The following SEMA3A variants were observed in gnomAD, a reference collection of about 807,000 sequenced individuals.
The protein encoded by SEMA3A is semaphorin 3A.
SEMA3A carries 29 observed loss-of-function variants against 97.9 expected under a neutral mutation model. The ratio of observed to expected loss-of-function variants is 0.30; its 90% CI spans 0.22 to 0.40. The LOEUF (loss-of-function observed/expected upper bound fraction) is 0.40. Among genes scored for constraint, SEMA3A ranks in the 10% least tolerant of loss-of-function variants. The probability of loss-of-function intolerance (pLI) is 1.00; values close to 1 mark genes in which losing one functional copy is unlikely to be tolerated. For missense variants in SEMA3A, 763 were observed against 951.3 expected, an observed-to-expected ratio of 0.80 and a Z score of 2.60; for synonymous variants, 321 against 323.7, an observed-to-expected ratio of 0.99 and a Z score of 0.09.
intron 2 of SEMA3A, among the ~76,000 whole-genome samples, chr7:84,334,853 T>C (rs1160786213): frequency 7.8e-6 from 1 of 128,422 alleles, no homozygotes; most frequent in Non-Finnish European, 1.6e-5. Context: ...GCTCTTCCCC[T>C]GGCCCTGCCT....
At chr7:84,103,469 T>TC (rs1430885073) in intron 4 of SEMA3A, among the ~76,000 whole-genome samples, 2 of 152,168 alleles carry the variant, frequency 1.3e-5, no homozygotes, top group African/African-American at 4.8e-5. Flanking sequence ...TTTCATTTTT[T>TC]CACATTAATA....
At chr7:84,117,889 T>A (rs1039665094) in intron 3 of SEMA3A, among the ~76,000 whole-genome samples, 7 of 152,224 alleles carry the variant, frequency 4.6e-5, no homozygotes, top group African/African-American at 1.7e-4. Context: ...ATTAATGATA[T>A]ATTCATGTAA....
chr7:84,229,795 T>C (rs1387868471), intron 3 of SEMA3A, among the ~76,000 whole-genome samples: 3 of 152,038 alleles, frequency 2.0e-5, no homozygotes, highest in African/African-American at 7.2e-5. Flanking sequence ...TCCTTGGTTC[T>C]TTTCTTTCGA....
intron 3 of SEMA3A, among the ~76,000 whole-genome samples, chr7:84,260,386 A>C (rs530503082): frequency 1.3e-5 from 2 of 152,138 alleles, no homozygotes; most frequent in Non-Finnish European, 1.5e-5. Context: ...AGCCAGGAAC[A>C]GGCGAGAGCC....
At chr7:84,386,107 C>G (rs895014422) in intron 1 of SEMA3A, among the ~76,000 whole-genome samples, 4 of 152,098 alleles carry the variant, frequency 2.6e-5, no homozygotes, top group Non-Finnish European at 5.9e-5. Flanking sequence ...TCTGTTTGCT[C>G]ACTGTGGGAT....
chr7:84,236,018 A>G (rs974362747), intron 3 of SEMA3A, among the ~76,000 whole-genome samples: 52 of 152,248 alleles, frequency 3.4e-4, no homozygotes, highest in African/African-American at 1.2e-3. Flanking sequence ...TTATCAAAAC[A>G]TCAAAGGCAC....
intron 1 of SEMA3A, among the ~76,000 whole-genome samples, chr7:84,461,336 A>AAT (rs1283242765): frequency 6.6e-6 from 1 of 152,218 alleles, no homozygotes; most frequent in Non-Finnish European, 1.5e-5. Flanking sequence ...GGAAGGACAC[A>AAT]ATACCACAGT....
At chr7:84,302,755 G>A (rs1340988691) in intron 3 of SEMA3A, among the ~76,000 whole-genome samples, 1 of 152,100 alleles carries the variant, frequency 6.6e-6, no homozygotes, top group Non-Finnish European at 1.5e-5. Context: ...AGAAAGTTTA[G>A]TAAAAGGGAT....
chr7:84,045,556 T>C (rs1386987998), intron 6 of SEMA3A, among the ~76,000 whole-genome samples: 1 of 151,834 alleles, frequency 6.6e-6, no homozygotes, highest in African/African-American at 2.4e-5. Context: ...AAAGGATTGC[T>C]TAGTTAAAAT....
At chr7:84,335,301 T>G (rs148888346) in intron 2 of SEMA3A, among the ~76,000 whole-genome samples, 223 of 152,244 alleles carry the variant, frequency 1.5e-3, no homozygotes, top group African/African-American at 5.1e-3. Context: ...AAAACATGAG[T>G]TTTACAAATT....
At chr7:84,126,564 C>T (rs1196669174) in intron 3 of SEMA3A, among the ~76,000 whole-genome samples, 1 of 152,082 alleles carries the variant, frequency 6.6e-6, no homozygotes, top group African/African-American at 2.4e-5. Context: ...TATATTTGTT[C>T]AAATCTATTA....
intron 1 of SEMA3A, among the ~76,000 whole-genome samples, chr7:84,379,897 G>T (rs535305326): frequency 1.1e-4 from 17 of 152,202 alleles, no homozygotes; most frequent in Non-Finnish European, 1.5e-4. Flanking sequence ...ACATACAATG[G>T]CTAAAAATAT....
At position 84,398,956 on chromosome 7, in the gene SEMA3A, C is replaced by A. The variant is rs570512035; in HGVS notation, c.-245-27056G>T. On this transcript the variant is annotated intron_variant, in intron 1 of 3. Coordinates refer to the SEMA3A transcript ENST00000424555. ...CAACAGTGCATGCAAAAAGAAAGCA[C>A]CTTTGTAAGAAATAAAACATCATTT... is the stretch of plus-strand genomic sequence containing the variant. Among the ~76,000 whole-genome samples, 5 of 152,262 alleles carry A rather than the reference C, an allele frequency of 3.3e-5. No homozygotes were observed. In the East Asian group the frequency reaches 9.7e-4, roughly 29 times the overall value.
intron 2 of SEMA3A, among the ~76,000 whole-genome samples, chr7:84,359,365 T>G (rs1340203584): frequency 1.3e-5 from 2 of 152,104 alleles, no homozygotes; most frequent in Non-Finnish European, 2.9e-5. Context: ...TTGAATTTTG[T>G]CAAAGGCCTT....
chr7:84,135,335 T>C (rs1396625380), intron 1 of SEMA3A, among the ~76,000 whole-genome samples: 1 of 152,060 alleles, frequency 6.6e-6, no homozygotes, highest in African/African-American at 2.4e-5. Context: ...GGCTTCGAAC[T>C]CCTGACCTCA....
At chr7:84,237,455 C>T (rs1186620659) in intron 3 of SEMA3A, among the ~76,000 whole-genome samples, 2 of 151,578 alleles carry the variant, frequency 1.3e-5, no homozygotes, top group African/African-American at 4.8e-5. Context: ...AGAAGAAGAA[C>T]GAAGAGAAGA....
intron 5 of SEMA3A, among the ~76,000 whole-genome samples, chr7:84,050,595 G>A (rs1422966133): frequency 6.6e-6 from 1 of 152,046 alleles, no homozygotes; most frequent in Admixed American, 6.5e-5. Flanking sequence ...GTTCATTGTA[G>A]ATTCTGGATA....
chr7:84,086,586 T>A (rs62477282), intron 4 of SEMA3A, among the ~76,000 whole-genome samples: 2 of 52,486 alleles, frequency 3.8e-5, no homozygotes, highest in East Asian at 6.9e-4. Flanking sequence ...ATATAATATA[T>A]TATTATATTA....
intron 1 of SEMA3A, among the ~76,000 whole-genome samples, chr7:84,437,483 G>A (rs1047343854): frequency 6.0e-5 from 9 of 150,740 alleles, no homozygotes; most frequent in Non-Finnish European, 8.9e-5. Context: ...TGTTTTATTA[G>A]AGCATATTTT....
Sources: gnomAD v4.1 joint callset for allele counts (sites outside exome capture counted in the v4.1 genomes callset) on GRCh38, gnomAD v4.1.1 for gene constraint, MANE v1.5 for transcripts, NCBI Gene and HGNC (gene_info 2026-07-23, HGNC 2026-07-21) for gene names.